Variants in PLG observed in about 807,000 individuals in gnomAD.
PLG encodes the protein plasminogen, also known as plasmin.
A neutral mutation model predicts 104.4 loss-of-function variants in PLG; 41 were observed. The ratio of observed to expected loss-of-function variants is 0.39; its 90% CI spans 0.31 to 0.51. The LOEUF is 0.51. Ranked by LOEUF, PLG falls within the 20% of genes least tolerant of loss-of-function variation. The pLI is 0.76. For synonymous variants in PLG, 337 were observed against 357.1 expected (o/e 0.94, Z 0.63); for missense variants, 891 against 1,003.6 (o/e 0.89, Z 1.52).
rs4252082 is a variant in PLG at position 160,711,385 on chromosome 6, T to G, written c.407+194T>G. The G allele has an allele frequency of 0.28, 191,758 of 692,460 alleles. 30,349 individuals are homozygous for G. The highest frequency in any genetic ancestry group is 0.48 in the African/African-American group (26,606 of 54,990). 42.9% of individuals were successfully genotyped at this position (692,460 alleles called of 1,614,324 possible). ...ATCCCTAATATAATGTAAATGCTAT[T>G]TAATCGTTGTTATACTGTATTGTTT... On this transcript the variant is annotated intron_variant, in intron 4 of 18. Transcript: ENST00000308192.
chr6:160,748,151 A>G (rs1456725364), intron 17 of PLG, among the ~76,000 whole-genome samples: 1 of 151,156 alleles, frequency 6.6e-6, no homozygotes, highest in Non-Finnish European at 1.5e-5. Flanking sequence ...CTAAAAATAC[A>G]AAAATTAGCC....
chr6:160,715,837 C>G (rs1438352890), intron 6 of PLG, among the ~76,000 whole-genome samples: 1 of 152,208 alleles, frequency 6.6e-6, no homozygotes, highest in South Asian at 2.1e-4. Flanking sequence ...TCCAGGAAAC[C>G]AGAAGGAGAA....
At position 160,727,065 on chromosome 6, in the gene PLG, G is replaced by A. The variant is rs557794571; in HGVS notation, c.1257-3986G>A. 1.1e-3 allele frequency among the ~76,000 whole-genome samples: 167 copies of A among 151,852 alleles called. 2 individuals are homozygous for A. The highest frequency in any genetic ancestry group is 3.4e-3 in the African/African-American group (142 of 41,482). ...TGACGACAAAGGAGGGAGCACCACCGTCAACATCAGGAGTAAAAAAAGGGA... is the reference window on the plus strand; with the variant it reads ...TGACGACAAAGGAGGGAGCACCACCATCAACATCAGGAGTAAAAAAAGGGA... On this transcript the variant is annotated intron_variant, in intron 10 of 18. Coordinates refer to ENST00000308192, the MANE Select transcript of PLG (RefSeq NM_000301.5).
At position 160,738,318 on chromosome 6, in the gene PLG, C is replaced by G; in HGVS notation, c.1803-220C>G. Reference sequence around the variant, plus strand: ...TGGACAGGCCATGCCTGTGCCTCCCCCAAGCATCGGAAAAATTGGCATAGA... The same window carrying G: ...TGGACAGGCCATGCCTGTGCCTCCCGCAAGCATCGGAAAAATTGGCATAGA... On this transcript the variant is annotated intron_variant, in intron 14 of 18. Coordinates refer to ENST00000308192, the MANE Select transcript of PLG (RefSeq NM_000301.5). This position sits in a 1 kb window ranked among gnomAD's most constrained non-coding sequence, Gnocchi z 6.8. The G allele has an allele frequency of 3.6e-6, 2 of 563,306 alleles. No homozygotes were observed. The highest frequency in any genetic ancestry group is 3.7e-5 in the South Asian group (2 of 54,712). 34.9% of individuals were successfully genotyped at this position (563,306 alleles called of 1,614,324 possible).
chr6:160,739,045 C>T lies in PLG; in HGVS notation c.1878-23C>T. 1 of 1,613,878 alleles carries T rather than the reference C, an allele frequency of 6.2e-7. No homozygotes were observed. Among genetic ancestry groups the T allele is most frequent in the South Asian group, 1.1e-5 (1 of 91,066 alleles). Reference sequence around the variant, plus strand: ...TGAAGGGGCTGGACCATATTTTCCTCTTGACGTCCTCATCTTTTCTAGGTC... The same window carrying T: ...TGAAGGGGCTGGACCATATTTTCCTTTTGACGTCCTCATCTTTTCTAGGTC... On this transcript the variant is annotated intron_variant, in intron 15 of 18. Transcript: ENST00000308192. The surrounding 1 kb of genome is among the most constrained non-coding windows in gnomAD (Gnocchi z 4.4).
chr6:160,748,417 G>GAAAAAGAAAGGGAAA (rs1554252983), intron 17 of PLG, among the ~76,000 whole-genome samples: 3 of 62,360 alleles, frequency 4.8e-5, no homozygotes, highest in African/African-American at 1.9e-4. Flanking sequence ...AGAAAGAAAG[G>GAAAAAGAAAGGGAAA]GAAAGAAAGA....
At chr6:160,748,358 A>AAGAAAGAAAGAGAGAGAGAGAGAG (rs1778317493) in intron 17 of PLG, among the ~76,000 whole-genome samples, 2 of 35,174 alleles carry the variant, frequency 5.7e-5, no homozygotes, top group African/African-American at 2.0e-4. Context: ...AAGAGAAAGA[A>AAGAAAGAAAGAGAGAGAGAGAGAG]AGAAAGAAAG....
At chr6:160,713,235 A>C in intron 5 of PLG, 110 bp downstream of exon 5, 1 of 924,806 alleles carries the variant, frequency 1.1e-6, no homozygotes, top group African/African-American at 1.6e-5. Flanking sequence ...TAACGTATTC[A>C]CCTCTCGGAA....
Position 160,719,343 on chromosome 6 carries a change from C to T in PLG, c.1096+505C>T, listed in dbSNP as rs1368059443. On this transcript the variant is annotated intron_variant, in intron 9 of 18. Transcript: ENST00000308192. The surrounding 1 kb of genome is among the most constrained non-coding windows in gnomAD (Gnocchi z 4.1). ...ATCTTTATGTAATGTTTCTTCTTAT[C>T]TCTGGGAATATTTCTTCTTCTGAAG... is the stretch of plus-strand genomic sequence containing the variant. Among the ~76,000 whole-genome samples, 1 of 152,106 alleles carries T rather than the reference C, an allele frequency of 6.6e-6. No individual in the cohort carries two copies. Among genetic ancestry groups the T allele is most frequent in the Non-Finnish European group, 1.5e-5 (1 of 68,002 alleles).
intron 10 of PLG, among the ~76,000 whole-genome samples, chr6:160,727,897 A>C (rs887680400): frequency 1.3e-5 from 2 of 151,972 alleles, no homozygotes; most frequent in African/African-American, 4.8e-5. Context: ...CAGTACTTCT[A>C]ATCAGCATTT....
chr6:160,709,842 T>C (rs572890474), intron 3 of PLG, among the ~76,000 whole-genome samples: 1 of 152,364 alleles, frequency 6.6e-6, no homozygotes, highest in East Asian at 1.9e-4. Flanking sequence ...ACTTTCCCCA[T>C]GTGATTGATC....
Position 160,744,065 on chromosome 6 carries a change from A to G in PLG, c.2125+2648A>G, listed in dbSNP as rs1239922122. 6.6e-6 allele frequency among the ~76,000 whole-genome samples: 1 copy of G among 152,152 alleles called. No homozygotes were observed. Among genetic ancestry groups the G allele is most frequent in the Non-Finnish European group, 1.5e-5 (1 of 68,020 alleles). On this transcript the variant is annotated intron_variant, in intron 17 of 18. Transcript: ENST00000308192. The surrounding 1 kb of genome is among the most constrained non-coding windows in gnomAD (Gnocchi z 4.5). ...GTGCTGCTGGATTTGGTTTGCAAGT[A>G]TTTTGTAAAGGATTTTTGCATCAGT...
intron 17 of PLG, among the ~76,000 whole-genome samples, chr6:160,747,266 A>C (rs2115185603): frequency 6.6e-6 from 1 of 152,344 alleles, no homozygotes; most frequent in South Asian, 2.1e-4. Flanking sequence ...GATGAGAACA[A>C]GAGAGGGAAC....
intron 10 of PLG, among the ~76,000 whole-genome samples, chr6:160,727,371 T>C (rs991432133): frequency 1.4e-5 from 2 of 147,900 alleles, no homozygotes; most frequent in African/African-American, 5.2e-5. Flanking sequence ...AGAAATGTTA[T>C]TATTTAAAAA....
At position 160,740,242 on chromosome 6, in the gene PLG, A is replaced by G. The variant is rs1325088860; in HGVS notation, c.2018+1034A>G. On this transcript the variant is annotated intron_variant, in intron 16 of 18. Transcript: ENST00000308192. This position sits in a 1 kb window ranked among gnomAD's most constrained non-coding sequence, Gnocchi z 5.2. Reference sequence around the variant, plus strand: ...TGCTCTGACACTCTAGAAGGAGAGAAGAGCCTTTCCAGCTCAGCCTTTATA... The same window carrying G: ...TGCTCTGACACTCTAGAAGGAGAGAGGAGCCTTTCCAGCTCAGCCTTTATA... Among the ~76,000 whole-genome samples the G allele has an allele frequency of 6.6e-6, 1 of 152,206 alleles. No homozygotes were observed. The highest frequency in any genetic ancestry group is 2.4e-5 in the African/African-American group (1 of 41,466).
At chr6:160,715,459 T>A (rs1777712926) in intron 6 of PLG, among the ~76,000 whole-genome samples, 1 of 152,218 alleles carries the variant, frequency 6.6e-6, no homozygotes, top group Non-Finnish European at 1.5e-5. Context: ...ATTCGTAACT[T>A]CCATCAGATT....
chr6:160,703,070 C>A (rs1193620012), intron 1 of PLG, among the ~76,000 whole-genome samples: 3 of 135,324 alleles, frequency 2.2e-5, no homozygotes, highest in African/African-American at 8.1e-5. Flanking sequence ...GCATATTCAT[C>A]CTCATTTTAT....
At chr6:160,747,869 T>G (rs1242022072) in intron 17 of PLG, among the ~76,000 whole-genome samples, 9 of 152,206 alleles carry the variant, frequency 5.9e-5, no homozygotes, top group Admixed American at 5.9e-4. Flanking sequence ...AAAATTTAAA[T>G]GCTGCAAACC....
At position 160,718,361 on chromosome 6, in the gene PLG, G is replaced by A. The variant is rs202061577; in HGVS notation, c.855G>A (p.Gly285=). ...AGGGAACAGGTGAAAACTATCGCGG[G>A]AATGTGGCTGTTACCGTGTCCGGGC... The part of the protein sequence containing the change: ...CLKGTGENYR[G]NVAVTVSGHT... Residue 285 remains glycine (G), a synonymous_variant, in exon 8 of 19, where the codon GGG becomes GGA. Coordinates refer to ENST00000308192, the MANE Select transcript of PLG (RefSeq NM_000301.5). 7 of 1,613,740 alleles carry A rather than the reference G, an allele frequency of 4.3e-6. No homozygotes were observed. In the East Asian group the frequency reaches 1.1e-4, roughly 26 times the overall value.
Sources: gnomAD v4.1 joint callset for allele counts (sites outside exome capture counted in the v4.1 genomes callset) on GRCh38, gnomAD v4.1.1 for gene constraint, Gnocchi (gnomAD v3.1) non-coding constraint, MANE v1.5 for transcripts, NCBI Gene and HGNC (gene_info 2026-07-23, HGNC 2026-07-21) for gene names.